The following PIBF1 variants were observed in gnomAD, a reference collection of about 807,000 sequenced individuals.
The protein encoded by PIBF1 is progesterone immunomodulatory binding factor 1.
A neutral mutation model predicts 112.5 loss-of-function variants in PIBF1; 90 were observed. The ratio of observed to expected loss-of-function variants is 0.80; its 90% confidence interval spans 0.67 to 0.95. The LOEUF (loss-of-function observed/expected upper bound fraction) is 0.95. Ranked by LOEUF, PIBF1 falls within the 40% of genes least tolerant of loss-of-function variation. The probability of loss-of-function intolerance (pLI) is 0.00; values close to 1 mark genes in which losing one functional copy is unlikely to be tolerated. For missense variants in PIBF1, 915 were observed against 852.3 expected (o/e 1.07, Z -0.92); for synonymous variants, 301 against 288.6 (o/e 1.04, Z -0.44).
chr13:72,825,512 C>T (rs750725866), intron 6 of PIBF1, among the ~76,000 whole-genome samples: 11 of 152,044 alleles, frequency 7.2e-5, no homozygotes, highest in East Asian at 3.9e-4. Context: ...ACAATTTTCA[C>T]GGGATGTGAA....
intron 9 of PIBF1, among the ~76,000 whole-genome samples, chr13:72,851,967 C>G (rs905739906): frequency 6.6e-6 from 1 of 152,176 alleles, no homozygotes; most frequent in African/African-American, 2.4e-5. Context: ...GATGGCCTGC[C>G]TGCAGTTAGG....
chr13:72,902,022 G>GTGTGTGTGTGTGTA (rs1228050787), intron 11 of PIBF1, among the ~76,000 whole-genome samples: 1 of 134,842 alleles, frequency 7.4e-6, no homozygotes, highest in African/African-American at 2.6e-5. Context: ...GTGTGTGTGT[G>GTGTGTGTGTGTGTA]TATACACACA....
At chr13:72,825,111 G>A (rs1489259201) in intron 6 of PIBF1, among the ~76,000 whole-genome samples, 6 of 152,010 alleles carry the variant, frequency 3.9e-5, no homozygotes, top group African/African-American at 1.4e-4. Context: ...CTAGATGCAT[G>A]GTAATAGATT....
chr13:72,823,202 C>T (rs370807063), intron 6 of PIBF1, among the ~76,000 whole-genome samples: 8 of 152,078 alleles, frequency 5.3e-5, no homozygotes, highest in African/African-American at 1.7e-4. Context: ...ATAGCAATGA[C>T]AGATACAATA....
At chr13:72,845,065 C>T (rs1165249930) in intron 9 of PIBF1, among the ~76,000 whole-genome samples, 1 of 149,152 alleles carries the variant, frequency 6.7e-6, no homozygotes, top group African/African-American at 2.5e-5. Context: ...TGGTTTGCTG[C>T]ACCTATCAAC....
intron 16 of PIBF1, among the ~76,000 whole-genome samples, chr13:72,996,406 A>G (rs1238130536): frequency 6.6e-6 from 1 of 152,196 alleles, no homozygotes; most frequent in Non-Finnish European, 1.5e-5. Flanking sequence ...AAGCTCATTG[A>G]ACTAGATTAG....
chr13:72,937,962 C>T (rs961017001), intron 14 of PIBF1, among the ~76,000 whole-genome samples: 7 of 152,104 alleles, frequency 4.6e-5, no homozygotes, highest in African/African-American at 1.7e-4. Flanking sequence ...GTTATCTATT[C>T]CTTCTGGTTG....
intron 14 of PIBF1, among the ~76,000 whole-genome samples, chr13:72,945,678 A>G (rs1247342207): frequency 6.6e-6 from 1 of 152,206 alleles, no homozygotes; most frequent in East Asian, 1.9e-4. Flanking sequence ...AAAAGCTTCA[A>G]ATTAACCAGA....
intron 10 of PIBF1, among the ~76,000 whole-genome samples, chr13:72,890,457 G>C (rs1367948798): frequency 6.6e-6 from 1 of 152,036 alleles, no homozygotes; most frequent in African/African-American, 2.4e-5. Context: ...AGTCCTTTCT[G>C]TTATTTTTAA....
chr13:73,015,806 A>G (rs933870627), intron 17 of PIBF1, 63 bp from the exon 18 acceptor site: 3 of 957,988 alleles, frequency 3.1e-6, no homozygotes, highest in Non-Finnish European at 4.7e-6. Context: ...TAGTTCTCTG[A>G]GTTGCCTCTC....
At chr13:72,874,831 T>TA (rs2039326337) in intron 10 of PIBF1, among the ~76,000 whole-genome samples, 1 of 152,206 alleles carries the variant, frequency 6.6e-6, no homozygotes, top group African/African-American at 2.4e-5. Flanking sequence ...ATTGCTCATA[T>TA]AACCCCTACC....
intron 2 of PIBF1, among the ~76,000 whole-genome samples, chr13:72,790,647 A>AG (rs758300579): frequency 6.6e-6 from 1 of 152,162 alleles, no homozygotes; most frequent in African/African-American, 2.4e-5. Context: ...AGTAAGTCAA[A>AG]GGGGTAGTCC....
At position 72,819,395 on chromosome 13, in the gene PIBF1, A is replaced by T. The variant is rs546472721; in HGVS notation, c.673-2454A>T. Reference sequence around the variant, plus strand: ...CTGAGTATGCCCCCTTTTCTCCAACAGTAATTCATCTTTTGCTGTTGTTTC... The same window carrying T: ...CTGAGTATGCCCCCTTTTCTCCAACTGTAATTCATCTTTTGCTGTTGTTTC... On this transcript the variant is annotated intron_variant, in intron 5 of 17. Transcript: ENST00000326291. 2.0e-5 allele frequency among the ~76,000 whole-genome samples: 3 copies of T among 152,216 alleles called. No individual in the cohort carries two copies. The South Asian group carries it at 6.2e-4, about 32-fold the overall frequency.
chr13:72,962,260 T>C (rs1240933791), intron 14 of PIBF1, among the ~76,000 whole-genome samples: 2 of 152,016 alleles, frequency 1.3e-5, no homozygotes, highest in African/African-American at 4.8e-5. Flanking sequence ...ACACTAGCAA[T>C]GAACAGTCTG....
chr13:72,838,608 G>C (rs950858190), intron 9 of PIBF1, among the ~76,000 whole-genome samples: 4 of 152,166 alleles, frequency 2.6e-5, no homozygotes, highest in Non-Finnish European at 5.9e-5. Context: ...ATTTGTTATA[G>C]GTTGGTGTTT....
chr13:72,868,313 GAAAA>G (rs76699229), intron 10 of PIBF1, among the ~76,000 whole-genome samples: 8 of 124,958 alleles, frequency 6.4e-5, no homozygotes, highest in Non-Finnish European at 1.2e-4. Context: ...TATTAAAAAA[GAAAA>G]AAAAAAAAAA....
Position 72,956,713 on chromosome 13 carries a change from G to A in PIBF1, c.1834-8561G>A, listed in dbSNP as rs1331754097. 4.6e-5 allele frequency among the ~76,000 whole-genome samples: 7 copies of A among 152,066 alleles called. No homozygotes were observed. The East Asian group carries it at 9.6e-4, about 21-fold the overall frequency. ...TAGCCCTTAAATGTAGGTGTCCCTC[G>A]GGTGCCTGCCCTTTTCTCTGTTCTT... On this transcript the variant is annotated intron_variant, in intron 14 of 17. Transcript: ENST00000326291.
intron 13 of PIBF1, among the ~76,000 whole-genome samples, chr13:72,917,982 A>G (rs2041159079): frequency 6.6e-6 from 1 of 152,204 alleles, no homozygotes; most frequent in African/African-American, 2.4e-5. Flanking sequence ...GGAACCATGC[A>G]TCCCGTGGAT....
At chr13:72,985,226 C>G (rs1363043164) in intron 16 of PIBF1, among the ~76,000 whole-genome samples, 3 of 152,108 alleles carry the variant, frequency 2.0e-5, no homozygotes, top group Non-Finnish European at 4.4e-5. Context: ...TGTATAATCT[C>G]TGAAAATATT....
Sources: allele counts gnomAD v4.1 joint callset (sites outside exome capture counted in the v4.1 genomes callset), GRCh38; gene constraint gnomAD v4.1.1; transcripts MANE v1.5; gene names NCBI Gene and HGNC (gene_info 2026-07-23, HGNC 2026-07-21).